EPHA6: variants seen among roughly 807,000 people sequenced by gnomAD.
EPHA6 encodes ephrin type-A receptor 6.
In EPHA6, 50 loss-of-function variants were observed where a neutral mutation model predicts 112.0. The observed-to-expected ratio is 0.45, with a 90% confidence interval of 0.36 to 0.56. EPHA6 has a LOEUF of 0.56. Among genes scored for constraint, EPHA6 ranks in the 20% least tolerant of loss-of-function variants. EPHA6 has a pLI of 0.00. For missense variants in EPHA6, 1,280 were observed against 1,417.4 expected (o/e 0.90, Z 1.56); for synonymous variants, 529 against 490.7 (o/e 1.08, Z -1.03).
rs576401298 is a variant in EPHA6, at chr3:97,283,744, G to A, written c.1606+39457G>A. Among the ~76,000 whole-genome samples the A allele has an allele frequency of 2.6e-5, 4 of 152,104 alleles. No individual in the cohort carries two copies. In the South Asian group the frequency reaches 8.3e-4, roughly 32 times the overall value. ...CCTATGTAACAAACCTGCACGTTCTGCACGTGTATCTCATAACTTAAAATA... is the reference window on the plus strand; with the variant it reads ...CCTATGTAACAAACCTGCACGTTCTACACGTGTATCTCATAACTTAAAATA... On this transcript the variant is annotated intron_variant, in intron 5 of 17. Coordinates refer to ENST00000389672, the MANE Select transcript of EPHA6 (RefSeq NM_001080448.3).
At chr3:96,966,828 TTAAC>T (rs1241548803) in intron 2 of EPHA6, among the ~76,000 whole-genome samples, 1 of 152,080 alleles carries the variant, frequency 6.6e-6, no homozygotes, top group African/African-American at 2.4e-5. Flanking sequence ...CATTTTTCTA[TTAAC>T]TTATAAACTA....
intron 6 of EPHA6, among the ~76,000 whole-genome samples, chr3:97,443,150 TGTGA>T (rs1454569254): frequency 6.6e-6 from 1 of 152,058 alleles, no homozygotes; most frequent in African/African-American, 2.4e-5. Context: ...GTTTGATGAA[TGTGA>T]GTGTGTACAT....
At chr3:96,962,107 C>T (rs1384582667) in intron 2 of EPHA6, among the ~76,000 whole-genome samples, 1 of 151,938 alleles carries the variant, frequency 6.6e-6, no homozygotes, top group African/African-American at 2.4e-5. Flanking sequence ...CACTTTCTGA[C>T]CTGATGTGTA....
At chr3:97,656,883 C>T (rs1159329463) in intron 14 of EPHA6, among the ~76,000 whole-genome samples, 1 of 151,870 alleles carries the variant, frequency 6.6e-6, no homozygotes. Context: ...CCTAGTTTTG[C>T]TTCTTTAAAC....
intron 4 of EPHA6, among the ~76,000 whole-genome samples, chr3:97,240,699 CTTTA>C (rs1297358506): frequency 2.0e-5 from 3 of 151,760 alleles, no homozygotes; most frequent in Non-Finnish European, 4.4e-5. Flanking sequence ...CTGTGTCAGA[CTTTA>C]TTTAAGCATG....
At chr3:97,569,627 G>T (rs2093310972) in intron 11 of EPHA6, among the ~76,000 whole-genome samples, 1 of 152,056 alleles carries the variant, frequency 6.6e-6, no homozygotes, top group African/African-American at 2.4e-5. Context: ...GAGTAAATGA[G>T]AATATTGTAA....
chr3:97,719,741 A>G (rs2034441178), intron 14 of EPHA6, among the ~76,000 whole-genome samples: 2 of 152,228 alleles, frequency 1.3e-5, no homozygotes, highest in Non-Finnish European at 2.9e-5. Flanking sequence ...ATGTTTTCAT[A>G]TAAAATAAAT....
intron 2 of EPHA6, among the ~76,000 whole-genome samples, chr3:96,944,313 T>G (rs2041138436): frequency 6.6e-6 from 1 of 152,180 alleles, no homozygotes; most frequent in African/African-American, 2.4e-5. Context: ...ATTGTATCAC[T>G]TATATATTTC....
At chr3:97,072,284 C>A (rs1305922338) in intron 3 of EPHA6, among the ~76,000 whole-genome samples, 1 of 152,022 alleles carries the variant, frequency 6.6e-6, no homozygotes, top group Non-Finnish European at 1.5e-5. Flanking sequence ...GAAATAGAGT[C>A]TTTGCCAATA....
chr3:97,690,522 T>C (rs2032591191), intron 14 of EPHA6, among the ~76,000 whole-genome samples: 2 of 151,584 alleles, frequency 1.3e-5, no homozygotes, highest in African/African-American at 4.9e-5. Context: ...GGCTGGAGCG[T>C]AGTGGCACAA....
intron 14 of EPHA6, among the ~76,000 whole-genome samples, chr3:97,686,152 T>C (rs532442004): frequency 1.3e-5 from 2 of 152,294 alleles, no homozygotes; most frequent in South Asian, 4.1e-4. Context: ...ACTATTCATT[T>C]GTGATGCATT....
chr3:97,331,072 G>A (rs1373805885), intron 5 of EPHA6, among the ~76,000 whole-genome samples: 1 of 151,962 alleles, frequency 6.6e-6, no homozygotes, highest in Non-Finnish European at 1.5e-5. Context: ...CAATCAAACT[G>A]GAACTCACGA....
chr3:96,909,481 A>G (rs1027890139), intron 2 of EPHA6, among the ~76,000 whole-genome samples: 1 of 151,922 alleles, frequency 6.6e-6, no homozygotes, highest in Non-Finnish European at 1.5e-5. Context: ...GACAATATGC[A>G]TGTATGAGAT....
rs184145700 is a variant in EPHA6, at chr3:97,634,843, G to A, written c.2575-3030G>A. ...CAATCCTGCTTTCTTCTCTTCCTCA[G>A]AGGTATTGATGCTGAGAGTGTCTAA... is the stretch of plus-strand genomic sequence containing the variant. On this transcript the variant is annotated intron_variant, in intron 13 of 17. Coordinates refer to ENST00000389672, the MANE Select transcript of EPHA6 (RefSeq NM_001080448.3). Among the ~76,000 whole-genome samples, 11 of 152,134 alleles carry A rather than the reference G, an allele frequency of 7.2e-5. 1 individual carries two copies. In the East Asian group the frequency reaches 2.1e-3, roughly 29 times the overall value.
At chr3:97,627,798 A>G (rs1035274492) in intron 13 of EPHA6, among the ~76,000 whole-genome samples, 1 of 152,098 alleles carries the variant, frequency 6.6e-6, no homozygotes, top group Non-Finnish European at 1.5e-5. Flanking sequence ...ATTTGGCTAT[A>G]TATTATAATA....
At chr3:97,297,478 A>T (rs1015103121) in intron 5 of EPHA6, among the ~76,000 whole-genome samples, 1 of 152,168 alleles carries the variant, frequency 6.6e-6, no homozygotes, top group African/African-American at 2.4e-5. Context: ...CTCTAAATTT[A>T]ATTAAAGAAA....
intron 10 of EPHA6, among the ~76,000 whole-genome samples, chr3:97,529,396 C>G (rs1422622526): frequency 1.3e-5 from 2 of 151,804 alleles, no homozygotes; most frequent in African/African-American, 4.8e-5. Flanking sequence ...CTATGTAAGA[C>G]CTACCTTTGT....
At chr3:97,000,440 A>G (rs1018504094) in intron 3 of EPHA6, among the ~76,000 whole-genome samples, 15 of 151,650 alleles carry the variant, frequency 9.9e-5, no homozygotes, top group African/African-American at 3.6e-4. Context: ...AAAATTTCAA[A>G]GTCCAGAGCC....
chr3:97,301,046 G>A (rs1162569987), intron 5 of EPHA6, among the ~76,000 whole-genome samples: 1 of 152,016 alleles, frequency 6.6e-6, no homozygotes, highest in Non-Finnish European at 1.5e-5. Flanking sequence ...CCCAGCCTTT[G>A]ATATTCTCAT....
Sources: gnomAD v4.1 joint callset for allele counts (sites outside exome capture counted in the v4.1 genomes callset) on GRCh38, gnomAD v4.1.1 for gene constraint, MANE v1.5 for transcripts, NCBI Gene and HGNC (gene_info 2026-07-23, HGNC 2026-07-21) for gene names.